DNTTIP1: variants seen among roughly 807,000 people sequenced by gnomAD.
DNTTIP1 encodes the protein deoxynucleotidyltransferase terminal-interacting protein 1.
Under a neutral mutation model 52.9 loss-of-function variants are expected in DNTTIP1, and 22 were observed. The ratio of observed to expected loss-of-function variants is 0.42; its 90% CI spans 0.30 to 0.59. The LOEUF (loss-of-function observed/expected upper bound fraction) is 0.59. DNTTIP1 is among the 20% of genes least tolerant of loss of function. DNTTIP1 has a pLI of 0.22. For missense variants in DNTTIP1, 286 were observed against 435.5 expected (o/e 0.66, Z 3.06); for synonymous variants, 136 against 155.1 (o/e 0.88, Z 0.92).
chr20:45,795,923 A>G (rs1272261176), intron 4 of DNTTIP1, among the ~76,000 whole-genome samples: 1 of 152,174 alleles, frequency 6.6e-6, no homozygotes, highest in Non-Finnish European at 1.5e-5. Flanking sequence ...AGTAGCTACT[A>G]TATGTCAGGT....
rs1197755336 is a variant in DNTTIP1 at position 45,792,672 on chromosome 20, C to T, written c.106-5C>T. 6.2e-7 allele frequency: 1 copy of T among 1,606,526 alleles called. No homozygotes were observed. On this transcript the variant is annotated splice_polypyrimidine_tract_variant and splice_region_variant and intron_variant, in intron 1 of 12. Transcript: ENST00000372622. ...CAGTGACATTTGTTCCGTTGGTCCCCACAGAACCCTTGGAACATAATGATA... is the reference window on the plus strand; with the variant it reads ...CAGTGACATTTGTTCCGTTGGTCCCTACAGAACCCTTGGAACATAATGATA...
At chr20:45,811,001 G>A (rs1981823038) in intron 12 of DNTTIP1, 56 bp from the exon 13 acceptor site, 1 of 1,613,810 alleles carries the variant, frequency 6.2e-7, no homozygotes, top group Non-Finnish European at 8.5e-7. Flanking sequence ...CCCCTAGAAT[G>A]AGGCAGGGCC....
Position 45,809,264 on chromosome 20 carries a change from AC to A in DNTTIP1, c.795+81del. On this transcript the variant is annotated intron_variant, in intron 11 of 12. Coordinates refer to ENST00000372622, the MANE Select transcript of DNTTIP1 (RefSeq NM_052951.3). This position sits in a 1 kb window ranked among gnomAD's most constrained non-coding sequence, Gnocchi z 4.2. ...GGATTTTGGCTGTGGGTGACAGCCTACCTCCAAATCTGACTTCCAAAGCCTC... is the reference window on the plus strand; with the variant it reads ...GGATTTTGGCTGTGGGTGACAGCCTACTCCAAATCTGACTTCCAAAGCCTC... The A allele has an allele frequency of 7.8e-7, 1 of 1,278,488 alleles. No homozygotes were observed. The highest frequency in any genetic ancestry group is 1.1e-6 in the Non-Finnish European group (1 of 879,598). The allele number at this position is 1,278,488 out of a possible 1,614,324, so 79.2% of individuals were successfully genotyped here. A position where few individuals can be genotyped will look rare whatever the true frequency, so the allele number is the denominator to read the frequency against.
chr20:45,809,099 C>T lies in DNTTIP1; in HGVS notation c.724-15C>T, dbSNP rs370922990. The T allele has an allele frequency of 6.2e-7, 1 of 1,613,694 alleles. No individual in the cohort carries two copies. Among genetic ancestry groups the T allele is most frequent in the African/African-American group, 1.3e-5 (1 of 75,064 alleles). ...TTACCCGAGGCTAATTTTCTTACAACTTCATTCCTTACAGTATGCAGCTGA... is the reference window on the plus strand; with the variant it reads ...TTACCCGAGGCTAATTTTCTTACAATTTCATTCCTTACAGTATGCAGCTGA... On this transcript the variant is annotated splice_polypyrimidine_tract_variant and intron_variant, in intron 10 of 12. Transcript: ENST00000372622. The surrounding 1 kb of genome is among the most constrained non-coding windows in gnomAD (Gnocchi z 4.2).
intron 4 of DNTTIP1, among the ~76,000 whole-genome samples, chr20:45,798,934 A>G (rs553445447): frequency 1.2e-4 from 18 of 152,344 alleles, no homozygotes; most frequent in African/African-American, 4.1e-4. Context: ...TTAACAGCCT[A>G]CTTAAGCAGA....
intron 2 of DNTTIP1, among the ~76,000 whole-genome samples, chr20:45,793,498 G>A (rs1189127495): frequency 1.3e-5 from 2 of 151,998 alleles, no homozygotes; most frequent in Admixed American, 6.6e-5. Context: ...TTGGGAGTTC[G>A]AGACCAGCCT....
At chr20:45,807,181 G>C (rs912586302) in intron 10 of DNTTIP1, among the ~76,000 whole-genome samples, 1 of 151,842 alleles carries the variant, frequency 6.6e-6, no homozygotes, top group African/African-American at 2.4e-5. Context: ...GGAGTGCAGT[G>C]GCGCGATCTC....
intron 2 of DNTTIP1, 51 bp from the exon 3 acceptor site, chr20:45,793,870 A>G (rs755654046): frequency 1.7e-6 from 2 of 1,193,910 alleles, no homozygotes; most frequent in Admixed American, 4.6e-5. Flanking sequence ...GAGGCTGGGA[A>G]AGAATATGTT....
intron 10 of DNTTIP1, among the ~76,000 whole-genome samples, chr20:45,807,993 T>G (rs1157638267): frequency 6.6e-6 from 1 of 152,016 alleles, no homozygotes; most frequent in Non-Finnish European, 1.5e-5. Flanking sequence ...CTCGATTTTT[T>G]TTTTAAGGTG....
At chr20:45,792,350 G>C (rs1365498141) in intron 1 of DNTTIP1, among the ~76,000 whole-genome samples, 1 of 152,220 alleles carries the variant, frequency 6.6e-6, no homozygotes, top group African/African-American at 2.4e-5. Context: ...ATTAGTACCT[G>C]TCTCATAAAA....
intron 1 of DNTTIP1, 36 bp from the exon 2 acceptor site, chr20:45,792,641 A>G: frequency 6.6e-7 from 1 of 1,526,046 alleles, no homozygotes; most frequent in Non-Finnish European, 8.9e-7. Flanking sequence ...CCAGTGTCAC[A>G]GGCCGCAGTG....
rs1356825565 is a variant in DNTTIP1 at position 45,801,074 on chromosome 20, G to C, written c.373G>C (p.Ala125Pro). 6.2e-7 allele frequency: 1 copy of C among 1,613,688 alleles called. No individual in the cohort carries two copies. Among genetic ancestry groups the C allele is most frequent in the Non-Finnish European group, 8.5e-7 (1 of 1,179,888 alleles). ...QEACRSCLEQAKLLFSDGEKV... is the reference protein window; with the variant it reads ...QEACRSCLEQPKLLFSDGEKV... Reference sequence around the variant, plus strand: ...TAACACTTGGTCTTTTTCCCTTCAGGCTAAACTGCTCTTTTCAGATGGAGA... The same window carrying C: ...TAACACTTGGTCTTTTTCCCTTCAGCCTAAACTGCTCTTTTCAGATGGAGA... Residue 125 changes from alanine (A) to proline (P), a missense_variant and splice_region_variant, in exon 5 of 13, where the codon GCT (alanine) becomes CCT (proline). Ala to Pro is a conservative substitution (Grantham distance 27). This residue lies in a region of DNTTIP1 where 208 missense variants were observed against 266.5 expected (regional missense o/e 0.78). Coordinates refer to ENST00000372622, the MANE Select transcript of DNTTIP1 (RefSeq NM_052951.3).
At chr20:45,796,062 G>C (rs1279101475) in intron 4 of DNTTIP1, among the ~76,000 whole-genome samples, 1 of 152,188 alleles carries the variant, frequency 6.6e-6, no homozygotes, top group African/African-American at 2.4e-5. Context: ...GAGTAGAATG[G>C]CAGTAGCTGG....
chr20:45,810,816 T>A, intron 11 of DNTTIP1, 69 bp from the exon 12 acceptor site: 1 of 1,441,050 alleles, frequency 6.9e-7, no homozygotes, highest in Non-Finnish European at 9.8e-7. Flanking sequence ...AACAGATGTT[T>A]AATGAAGTGT....
intron 7 of DNTTIP1, chr20:45,803,061 G>A (rs760851828): frequency 2.9e-4 from 124 of 431,026 alleles, no homozygotes; most frequent in Non-Finnish European, 4.9e-4. Flanking sequence ...TAGGGCAGTT[G>A]CTGTTTTTGT....
intron 2 of DNTTIP1, 146 bp downstream of exon 2, chr20:45,792,893 T>C: frequency 1.5e-6 from 1 of 664,878 alleles, no homozygotes; most frequent in Non-Finnish European, 2.4e-6. Flanking sequence ...TCTGTAACTC[T>C]GTGTGATCTT....
chr20:45,801,939 C>A, intron 6 of DNTTIP1, 60 bp from the exon 7 acceptor site: 1 of 1,532,220 alleles, frequency 6.5e-7, no homozygotes, highest in Non-Finnish European at 9.0e-7. Flanking sequence ...CCTGGACCTG[C>A]CAATGGGGTA....
rs115292521 is a variant in DNTTIP1 at position 45,792,146 on chromosome 20, G to A, written c.105+37G>A. ...CCCGGTGAGGTCTGGGCTCAGGCCG[G>A]GCACGGCCTCGGGGCTCCTGGGACC... is the stretch of plus-strand genomic sequence containing the variant. On this transcript the variant is annotated intron_variant, in intron 1 of 12. Transcript: ENST00000372622. 3,599 of 1,179,406 alleles carry A rather than the reference G, an allele frequency of 3.1e-3. 102 individuals are homozygous for A. In the African/African-American group the frequency reaches 0.051, roughly 17 times the overall value. 73.1% of individuals were successfully genotyped at this position (1,179,406 alleles called of 1,614,324 possible).
In DNTTIP1 at chr20:45,792,124, G is replaced by A; in HGVS notation, c.105+15G>A. 1 of 1,255,556 alleles carries A rather than the reference G, an allele frequency of 8.0e-7. No individual in the cohort carries two copies. Among genetic ancestry groups the A allele is most frequent in the Non-Finnish European group, 1.0e-6 (1 of 991,868 alleles). The allele number at this position is 1,255,556 out of a possible 1,614,324, so 77.8% of individuals were successfully genotyped here. On this transcript the variant is annotated intron_variant, in intron 1 of 12. Coordinates refer to ENST00000372622, the MANE Select transcript of DNTTIP1 (RefSeq NM_052951.3). ...TGGTTCTTACGGTGAGGGCGCCCCC[G>A]GTGAGGTCTGGGCTCAGGCCGGGCA...
Sources: gnomAD v4.1 joint callset for allele counts (sites outside exome capture counted in the v4.1 genomes callset) on GRCh38, gnomAD v4.1.1 for gene constraint, gnomAD v4.1.1 regional missense constraint, Gnocchi (gnomAD v3.1) non-coding constraint, MANE v1.5 for transcripts, NCBI Gene and HGNC (gene_info 2026-07-23, HGNC 2026-07-21) for gene names.